ZNF469: variants seen among roughly 807,000 people sequenced by gnomAD.
ZNF469 encodes zinc finger protein 469.
Under a neutral mutation model 1.0 loss-of-function variants are expected in ZNF469, and 1 was observed. That is an observed-to-expected ratio of 1.00 (90% confidence interval 0.35 to 4.73). ZNF469 has a LOEUF of 4.73. ZNF469 is among the 30% of genes most tolerant of loss of function. The probability of loss-of-function intolerance (pLI) is 0.16; values close to 1 mark genes in which losing one functional copy is unlikely to be tolerated. For synonymous variants in ZNF469, 2,703 were observed against 2,363.4 expected (o/e 1.14, Z -4.17); for missense variants, 6,100 against 5,356.3 (o/e 1.14, Z -4.33).
At chr16:88,404,372 G>A (rs1475373414) in intron 1 of ZNF469, among the ~76,000 whole-genome samples, 4 of 152,208 alleles carry the variant, frequency 2.6e-5, no homozygotes, top group African/African-American at 9.7e-5. Context: ...GGGCGGCGCC[G>A]GCGGTGCGTG....
chr16:88,252,586 A>C, the ZNF469 span, among the ~76,000 whole-genome samples: 4 of 152,200 alleles, frequency 2.6e-5, no homozygotes, highest in African/African-American at 9.7e-5. Context: ...GGGAAGGTTC[A>C]CATAACCACT....
the ZNF469 span, among the ~76,000 whole-genome samples, chr16:88,155,812 G>A: frequency 6.6e-6 from 1 of 152,206 alleles, no homozygotes; most frequent in African/African-American, 2.4e-5. Context: ...GGGTGTGCAC[G>A]GAGGAGTGGA....
the ZNF469 span, among the ~76,000 whole-genome samples, chr16:88,246,665 C>G: frequency 6.6e-6 from 1 of 152,204 alleles, no homozygotes; most frequent in Non-Finnish European, 1.5e-5. Flanking sequence ...TGCTGATCTG[C>G]AGGTACAGGG....
At chr16:88,316,483 G>T in the ZNF469 span, among the ~76,000 whole-genome samples, 4 of 151,838 alleles carry the variant, frequency 2.6e-5, no homozygotes, top group Non-Finnish European at 5.9e-5. Context: ...GTGGGCCTGG[G>T]CTCCCTGCTG....
At position 88,437,820 on chromosome 16, in the gene ZNF469, C is replaced by T; in HGVS notation, c.10350C>T (p.Phe3450=). 1 of 1,542,794 alleles carries T rather than the reference C, an allele frequency of 6.5e-7. No individual in the cohort carries two copies. Among genetic ancestry groups the T allele is most frequent in the Non-Finnish European group, 8.8e-7 (1 of 1,141,314 alleles). ...HLRGGRQPFA[F]RGVRRPGAPG... ...GGGGGGGGCGGCAGCCCTTCGCGTT[C>T]CGCGGCGTGCGGAGGCCGGGAGCGC... Residue 3450 remains phenylalanine (F), a synonymous_variant, in exon 3 of 3, where the codon TTC becomes TTT. Transcript: ENST00000565624.
At chr16:88,311,092 G>A in the ZNF469 span, among the ~76,000 whole-genome samples, 4 of 152,152 alleles carry the variant, frequency 2.6e-5, no homozygotes, top group African/African-American at 4.8e-5. Flanking sequence ...TTTGAGGACC[G>A]CCTGGGCATT....
the ZNF469 span, among the ~76,000 whole-genome samples, chr16:88,275,514 C>T: frequency 2.0e-3 from 310 of 152,306 alleles, 1 homozygote; most frequent in Non-Finnish European, 3.7e-3. Context: ...CCTTCCGGGG[C>T]GTTGATGGCG....
At chr16:88,363,592 C>A in the ZNF469 span, among the ~76,000 whole-genome samples, 1 of 152,180 alleles carries the variant, frequency 6.6e-6, no homozygotes, top group Non-Finnish European at 1.5e-5. Context: ...TTTAAGATCT[C>A]CTCTCCTCAG....
At chr16:88,140,321 G>C in the ZNF469 span, among the ~76,000 whole-genome samples, 1 of 152,136 alleles carries the variant, frequency 6.6e-6, no homozygotes, top group Non-Finnish European at 1.5e-5. Context: ...GAGCCATTTA[G>C]AAATCGGAGG....
the ZNF469 span, among the ~76,000 whole-genome samples, chr16:88,372,966 CCAT>C: frequency 4.9e-4 from 74 of 152,164 alleles, no homozygotes; most frequent in Non-Finnish European, 8.1e-4. Context: ...ATCATCACCA[CCAT>C]CATCATGATC....
chr16:88,221,715 C>T, the ZNF469 span, among the ~76,000 whole-genome samples: 5 of 152,216 alleles, frequency 3.3e-5, no homozygotes, highest in Admixed American at 6.5e-5. Context: ...CATCCTTGCA[C>T]GCTTCCAGCG....
intron 1 of ZNF469, among the ~76,000 whole-genome samples, chr16:88,400,324 C>A (rs1444357300): frequency 2.0e-5 from 3 of 151,946 alleles, no homozygotes; most frequent in Non-Finnish European, 4.4e-5. Flanking sequence ...TGTGCCCAGG[C>A]CTGGCAGCTT....
At chr16:88,295,879 G>A in the ZNF469 span, among the ~76,000 whole-genome samples, 1 of 152,218 alleles carries the variant, frequency 6.6e-6, no homozygotes, top group African/African-American at 2.4e-5. Context: ...TATGTCTGAG[G>A]TCTCAACCTG....
At chr16:88,380,472 C>A (rs1300459674), upstream of ZNF469, among the ~76,000 whole-genome samples, 2 of 147,942 alleles carry the variant, frequency 1.4e-5, no homozygotes, top group African/African-American at 5.0e-5. Flanking sequence ...CACACATGCA[C>A]TCACACATAC....
At chr16:88,305,173 C>T in the ZNF469 span, among the ~76,000 whole-genome samples, 27 of 152,202 alleles carry the variant, frequency 1.8e-4, no homozygotes, top group Admixed American at 7.2e-4. Context: ...GGGCAGGCCA[C>T]ACTGAGGGGA....
the ZNF469 span, among the ~76,000 whole-genome samples, chr16:88,335,137 G>A: frequency 2.0e-5 from 3 of 152,202 alleles, no homozygotes; most frequent in Non-Finnish European, 2.9e-5. Context: ...CGCAGTCTCC[G>A]GGGCTGTGAG....
the ZNF469 span, among the ~76,000 whole-genome samples, chr16:88,352,524 C>T: frequency 6.6e-6 from 1 of 152,252 alleles, no homozygotes; most frequent in African/African-American, 2.4e-5. Context: ...CACCAGGCCA[C>T]TGGGCTGCCA....
chr16:88,161,599 G>A, the ZNF469 span, among the ~76,000 whole-genome samples: 5 of 152,172 alleles, frequency 3.3e-5, no homozygotes, highest in African/African-American at 1.2e-4. Flanking sequence ...CGAGGGTATC[G>A]AAACTTTTCG....
chr16:88,422,111 G>T (rs146124096), intron 1 of ZNF469, among the ~76,000 whole-genome samples: 1 of 151,452 alleles, frequency 6.6e-6, no homozygotes, highest in Non-Finnish European at 1.5e-5. Context: ...ATGGATGGAT[G>T]AGTGGGTGGA....
Sources: gnomAD v4.1 joint callset for allele counts (sites outside exome capture counted in the v4.1 genomes callset) on GRCh38, gnomAD v4.1.1 for gene constraint, MANE v1.5 for transcripts, NCBI Gene and HGNC (gene_info 2026-07-23, HGNC 2026-07-21) for gene names.